Variants in TSC22D1 observed in about 807,000 individuals in gnomAD.
TSC22D1 encodes the protein TSC22 domain family member 1.
Under a neutral mutation model 74.2 loss-of-function variants are expected in TSC22D1, and 9 were observed. The ratio of observed to expected loss-of-function variants is 0.12; its 90% confidence interval spans 0.07 to 0.21. The LOEUF is 0.21. TSC22D1 is among the 10% of genes least tolerant of loss of function. TSC22D1 has a pLI of 1.00. For missense variants in TSC22D1, 1,427 were observed against 1,304.7 expected (o/e 1.09, Z -1.44); for synonymous variants, 586 against 492.5 (o/e 1.19, Z -2.51).
Position 44,554,236 on chromosome 13 carries a change from T to C in TSC22D1, c.2912+18927A>G, listed in dbSNP as rs151024979. Among the ~76,000 whole-genome samples, 51 of 152,278 alleles carry C rather than the reference T, an allele frequency of 3.3e-4. No individual in the cohort carries two copies. The East Asian group carries it at 8.7e-3, about 26-fold the overall frequency. On this transcript the variant is annotated intron_variant, in intron 1 of 2. Coordinates refer to ENST00000458659, the MANE Select transcript of TSC22D1 (RefSeq NM_183422.4). ...GCTATGGAAATCAGGCTTAAAAAAG[T>C]TAACTCATTTACAAAGGTCATACAA...
intron 1 of TSC22D1, among the ~76,000 whole-genome samples, chr13:44,500,445 C>CT (rs1879174677): frequency 6.6e-6 from 1 of 152,166 alleles, no homozygotes; most frequent in African/African-American, 2.4e-5. Context: ...GACTATATAT[C>CT]TATTCCCCCA....
At position 44,576,252 on chromosome 13, in the gene TSC22D1, G is replaced by A; in HGVS notation, c.-178C>T. 1.1e-6 allele frequency: 1 copy of A among 923,604 alleles called. No homozygotes were observed. The highest frequency in any genetic ancestry group is 1.6e-6 in the Non-Finnish European group (1 of 638,512). 57.2% of individuals were successfully genotyped at this position (923,604 alleles called of 1,614,324 possible). On this transcript the variant is annotated 5_prime_UTR_variant, in exon 1 of 3. Transcript: ENST00000458659. ...CTCCTGCCTTCGAGAGCGAGCTTCG[G>A]AAAGGAGGATGAACGAGGGTGAACA... is the stretch of plus-strand genomic sequence containing the variant.
chr13:44,554,851 G>A (rs1882526515), intron 1 of TSC22D1, among the ~76,000 whole-genome samples: 1 of 151,886 alleles, frequency 6.6e-6, no homozygotes, highest in Non-Finnish European at 1.5e-5. Context: ...TCCTTCTAAT[G>A]GTCTTCAACT....
Position 44,434,316 on chromosome 13 carries a change from G to A in TSC22D1, c.*310C>T, listed in dbSNP as rs376963989. ...GGAAGTGAGGGGTAGGGAGCCGGAA[G>A]GGATGGAAAGGCACACAGCTCCTGA... On this transcript the variant is annotated 3_prime_UTR_variant, in exon 3 of 3. Coordinates refer to ENST00000458659, the MANE Select transcript of TSC22D1 (RefSeq NM_183422.4). 1.1e-5 allele frequency: 15 copies of A among 1,371,740 alleles called. No individual in the cohort carries two copies. The highest frequency in any genetic ancestry group is 2.9e-5 in the East Asian group (1 of 33,922). The allele number at this position is 1,371,740 out of a possible 1,614,324, so 85.0% of individuals were successfully genotyped here.
intron 1 of TSC22D1, chr13:44,436,867 C>A: frequency 1.6e-6 from 2 of 1,230,368 alleles, no homozygotes; most frequent in Non-Finnish European, 2.0e-6. Context: ...ACCAGGACTC[C>A]CAGTCTTAGT....
intron 1 of TSC22D1, among the ~76,000 whole-genome samples, chr13:44,515,976 A>G (rs1879960609): frequency 6.6e-6 from 1 of 152,218 alleles, no homozygotes; most frequent in Non-Finnish European, 1.5e-5. Flanking sequence ...GGATATTAAT[A>G]TAAACAAAAT....
At chr13:44,532,013 G>A (rs145439477) in intron 1 of TSC22D1, among the ~76,000 whole-genome samples, 1 of 152,198 alleles carries the variant, frequency 6.6e-6, no homozygotes, top group African/African-American at 2.4e-5. Flanking sequence ...TCTCCAACAA[G>A]CCTGGTTACC....
chr13:44,512,466 G>A (rs1280622078), intron 1 of TSC22D1, among the ~76,000 whole-genome samples: 1 of 151,972 alleles, frequency 6.6e-6, no homozygotes, highest in African/African-American at 2.4e-5. Flanking sequence ...ACCGCGCCCA[G>A]CCTTGGATAT....
chr13:44,570,048 G>A (rs1427763529), intron 1 of TSC22D1, among the ~76,000 whole-genome samples: 1 of 152,190 alleles, frequency 6.6e-6, no homozygotes, highest in Non-Finnish European at 1.5e-5. Flanking sequence ...GAGTCTTGAA[G>A]GATGAATAGA....
intron 1 of TSC22D1, among the ~76,000 whole-genome samples, chr13:44,447,161 T>A (rs1329031909): frequency 1.3e-5 from 2 of 151,524 alleles, no homozygotes; most frequent in Admixed American, 1.3e-4. Flanking sequence ...TTTTTTTTTT[T>A]AAATTAGAGA....
chr13:44,445,360 A>G (rs1566115057), intron 1 of TSC22D1, among the ~76,000 whole-genome samples: 1 of 151,750 alleles, frequency 6.6e-6, no homozygotes, highest in Non-Finnish European at 1.5e-5. Flanking sequence ...TCCATTCTTT[A>G]CGCCATATGA....
intron 1 of TSC22D1, among the ~76,000 whole-genome samples, chr13:44,458,784 C>T (rs773942373): frequency 4.6e-5 from 7 of 152,144 alleles, no homozygotes; most frequent in East Asian, 1.9e-4. Context: ...TGTGTGCGCT[C>T]GGGGCAGCAG....
chr13:44,458,057 C>CT (rs1300693442), intron 1 of TSC22D1, among the ~76,000 whole-genome samples: 3 of 152,212 alleles, frequency 2.0e-5, no homozygotes, highest in Non-Finnish European at 4.4e-5. Context: ...TCTACTTTCA[C>CT]TTTTGAAACA....
intron 1 of TSC22D1, among the ~76,000 whole-genome samples, chr13:44,564,014 C>T (rs1466116749): frequency 1.3e-5 from 2 of 152,142 alleles, no homozygotes; most frequent in Non-Finnish European, 2.9e-5. Context: ...TATACCTAAG[C>T]ATTGGTTTTT....
chr13:44,476,168 A>G (rs1450510255), intron 1 of TSC22D1, among the ~76,000 whole-genome samples: 1 of 152,220 alleles, frequency 6.6e-6, no homozygotes, highest in Non-Finnish European at 1.5e-5. Flanking sequence ...TGGAGTTTTC[A>G]AATATTAGCT....
At chr13:44,513,466 C>A (rs1879833461) in intron 1 of TSC22D1, among the ~76,000 whole-genome samples, 1 of 152,126 alleles carries the variant, frequency 6.6e-6, no homozygotes, top group Non-Finnish European at 1.5e-5. Flanking sequence ...TCACAATACA[C>A]AAAACACATA....
Position 44,570,332 on chromosome 13 carries a change from A to T in TSC22D1, c.2912+2831T>A, listed in dbSNP as rs1480902589. On this transcript the variant is annotated intron_variant, in intron 1 of 2. Transcript: ENST00000458659. ...CAGCCTTCCAGGTAGCTGGAACTAC[A>T]GGCATGCGCCACCATGCCTGGCTAA... Among the ~76,000 whole-genome samples the T allele has an allele frequency of 2.6e-5, 4 of 151,972 alleles. No homozygotes were observed. The East Asian group carries it at 7.8e-4, about 29-fold the overall frequency.
chr13:44,470,393 G>A (rs1877530844), intron 1 of TSC22D1, among the ~76,000 whole-genome samples: 1 of 152,094 alleles, frequency 6.6e-6, no homozygotes, highest in South Asian at 2.1e-4. Context: ...TACCAGAGCA[G>A]GTAATTGGAT....
intron 1 of TSC22D1, among the ~76,000 whole-genome samples, chr13:44,455,693 T>TTTC (rs1278760694): frequency 6.6e-6 from 1 of 152,158 alleles, no homozygotes; most frequent in African/African-American, 2.4e-5. Context: ...CTTTGGATAG[T>TTTC]TTCAAGAAGC....
Sources: allele counts gnomAD v4.1 joint callset (sites outside exome capture counted in the v4.1 genomes callset), GRCh38; gene constraint gnomAD v4.1.1; transcripts MANE v1.5; gene names NCBI Gene and HGNC (gene_info 2026-07-23, HGNC 2026-07-21).